SLC6A20: variants seen among roughly 807,000 people sequenced by gnomAD.
SLC6A20 encodes the protein solute carrier family 6 member 20.
In SLC6A20, 73 loss-of-function variants were observed where a neutral mutation model predicts 64.3. The observed-to-expected ratio is 1.14, with a 90% CI of 0.94 to 1.38. The LOEUF (loss-of-function observed/expected upper bound fraction) is 1.38, where lower values mean the gene tolerates loss of function less well. Ranked by LOEUF, SLC6A20 falls within the 40% of genes most tolerant of loss-of-function variation. The pLI, the probability that SLC6A20 is intolerant of heterozygous loss-of-function variation, is 0.00. For synonymous variants in SLC6A20, 347 were observed against 329.6 expected (o/e 1.05, Z -0.57); for missense variants, 725 against 772.8 (o/e 0.94, Z 0.73).
chr3:45,770,500 G>A, intron 6 of SLC6A20, 129 bp from the exon 7 acceptor site: 2 of 1,176,732 alleles, frequency 1.7e-6, no homozygotes, highest in Non-Finnish European at 2.3e-6. Context: ...CTTTTAAAGG[G>A]CAGGGTAATT....
chr3:45,781,960 A>G, intron 2 of SLC6A20, 123 bp downstream of exon 2: 1 of 1,314,742 alleles, frequency 7.6e-7, no homozygotes, highest in South Asian at 1.9e-5. Context: ...CACCCCAGGC[A>G]AGAGCTCTCT....
chr3:45,765,681 C>A lies in SLC6A20; in HGVS notation c.1159G>T (p.Val387Leu). ...TAGAGCACCGACCACAGCTGGGACA[C>A]CTCCATGTTTTTAATGGCCTCTGTG... ...VYTEAIKNME[V>L]SQLWSVLYFF... Residue 387 changes from valine (V) to leucine (L), a missense_variant, in exon 8 of 11, where the codon GTG (valine) becomes TTG (leucine). Transcript: ENST00000358525. This position sits in a 1 kb window ranked among gnomAD's most constrained non-coding sequence, Gnocchi z 4.2. 6.2e-7 allele frequency: 1 copy of A among 1,614,228 alleles called. No individual in the cohort carries two copies. Among genetic ancestry groups the A allele is most frequent in the South Asian group, 1.1e-5 (1 of 91,086 alleles).
Position 45,792,350 on chromosome 3 carries a change from A to G in SLC6A20, c.121+3949T>C, listed in dbSNP as rs9836780. 4.3e-3 allele frequency among the ~76,000 whole-genome samples: 653 copies of G among 152,298 alleles called. 11 individuals carry two copies. The highest frequency in any genetic ancestry group is 0.015 in the African/African-American group (622 of 41,566). ...CTTGAGCCCCAGCTATTTCTCCAGA[A>G]GTCTTGTTCTCTCTGACTTGTTTCC... is the stretch of plus-strand genomic sequence containing the variant. On this transcript the variant is annotated intron_variant, in intron 1 of 10. Transcript: ENST00000358525.
chr3:45,761,337 A>C (rs1699678625), intron 9 of SLC6A20, among the ~76,000 whole-genome samples: 2 of 149,832 alleles, frequency 1.3e-5, no homozygotes, highest in Admixed American at 6.7e-5. Flanking sequence ...AAGCCGAAGC[A>C]CTCCCCTCCT....
In SLC6A20 at chr3:45,765,564, TG is replaced by T. The variant is rs749631016; in HGVS notation, c.1275del (p.Ser426AlafsTer61). On this transcript the variant is annotated frameshift_variant, in exon 8 of 11. Transcript: ENST00000358525. LOFTEE classifies it high-confidence loss of function. The surrounding 1 kb of genome is among the most constrained non-coding windows in gnomAD (Gnocchi z 4.2). ...GAGATGGCCTCCTTGGGCAGGTGGCTGGAGATGATCTTGCTGTCTGTCAGAG... is the reference window on the plus strand; with the variant it reads ...GAGATGGCCTCCTTGGGCAGGTGGCTGAGATGATCTTGCTGTCTGTCAGAG... ...LTPLTDSKII[S>X]SHLPKEAISG... 1 of 1,613,916 alleles carries T rather than the reference TG, an allele frequency of 6.2e-7. No homozygotes were observed. Among genetic ancestry groups the T allele is most frequent in the Non-Finnish European group, 8.5e-7 (1 of 1,179,930 alleles).
At chr3:45,763,348 T>C (rs574578100) in intron 8 of SLC6A20, among the ~76,000 whole-genome samples, 1 of 152,130 alleles carries the variant, frequency 6.6e-6, no homozygotes, top group Non-Finnish European at 1.5e-5. Flanking sequence ...TAAAGCTCAA[T>C]GAACAAGCAG....
Position 45,763,242 on chromosome 3 carries a change from C to T in SLC6A20, c.1304-170G>A, listed in dbSNP as rs6770261. On this transcript the variant is annotated intron_variant, in intron 8 of 10. Transcript: ENST00000358525. ...TTGGACTCTCTGAAGGTGTGTGCCA[C>T]GTGTGTGGGGCAGGGGGCACAATGG... 0.3 allele frequency among the ~76,000 whole-genome samples: 45,552 copies of T among 152,034 alleles called. 7,476 individuals carry two copies. Among genetic ancestry groups the T allele is most frequent in the African/African-American group, 0.44 (18,278 of 41,446 alleles).
intron 3 of SLC6A20, among the ~76,000 whole-genome samples, chr3:45,778,210 G>A (rs960753047): frequency 2.0e-5 from 3 of 152,184 alleles, no homozygotes; most frequent in Admixed American, 6.5e-5. Flanking sequence ...CACAGACTCC[G>A]GGGCCAGGTC....
At chr3:45,764,641 G>A (rs902712038) in intron 8 of SLC6A20, among the ~76,000 whole-genome samples, 22 of 151,098 alleles carry the variant, frequency 1.5e-4, no homozygotes, top group African/African-American at 5.4e-4. Context: ...GGTGGAGGTT[G>A]CAGTGAGCCA....
chr3:45,796,444 T>A lies in SLC6A20; in HGVS notation c.-25A>T. The A allele has an allele frequency of 1.2e-6, 2 of 1,602,374 alleles. No homozygotes were observed. The highest frequency in any genetic ancestry group is 1.7e-6 in the Non-Finnish European group (2 of 1,174,934). On this transcript the variant is annotated 5_prime_UTR_variant, in exon 1 of 11. Coordinates refer to ENST00000358525, the MANE Select transcript of SLC6A20 (RefSeq NM_020208.4). ...TGGCCCCGGCCTCGGCGCGCTCGGCTCCGGCTCGGGGGTCCGGCACGGCAG... is the reference window on the plus strand; with the variant it reads ...TGGCCCCGGCCTCGGCGCGCTCGGCACCGGCTCGGGGGTCCGGCACGGCAG...
chr3:45,776,587 G>C (rs143285180), intron 3 of SLC6A20, among the ~76,000 whole-genome samples: 1 of 152,084 alleles, frequency 6.6e-6, no homozygotes, highest in South Asian at 2.1e-4. Flanking sequence ...AGGTTCTCTC[G>C]GGCTCAGACA....
chr3:45,774,369 A>G (rs1172416247), intron 4 of SLC6A20, among the ~76,000 whole-genome samples: 1 of 152,260 alleles, frequency 6.6e-6, no homozygotes, highest in Admixed American at 6.5e-5. Context: ...CTCTTGGATC[A>G]TGATCATAAT....
At chr3:45,759,185 TCAGGGCCCATCCGTGATGGG>T in intron 10 of SLC6A20, 58 bp from the exon 11 acceptor site, 4 of 1,518,412 alleles carry the variant, frequency 2.6e-6, no homozygotes. Flanking sequence ...CCCCTGGGCC[TCAGGGCCCATCCGTGATGGG>T]GAGGTGATGT....
intron 4 of SLC6A20, among the ~76,000 whole-genome samples, chr3:45,773,937 A>G (rs1699921021): frequency 6.6e-6 from 1 of 152,260 alleles, no homozygotes; most frequent in Admixed American, 6.5e-5. Context: ...CATCCATCAC[A>G]ATGGGCACTA....
In SLC6A20 at chr3:45,796,503, C is replaced by T. The variant is rs886058548; in HGVS notation, c.-84G>A. 6.3e-6 allele frequency: 9 copies of T among 1,428,244 alleles called. No homozygotes were observed. The highest frequency in any genetic ancestry group is 1.8e-4 in the Middle Eastern group (1 of 5,544). 88.5% of individuals were successfully genotyped at this position (1,428,244 alleles called of 1,614,324 possible). Reference sequence around the variant, plus strand: ...CGCGGTCGCCAGGCGCGCCGTCCCACCCCGGCTCGGCTTGGGGGTGGCCCC... The same window carrying T: ...CGCGGTCGCCAGGCGCGCCGTCCCATCCCGGCTCGGCTTGGGGGTGGCCCC... On this transcript the variant is annotated 5_prime_UTR_variant, in exon 1 of 11. In the 5' UTR this introduces an upstream ATG that the reference lacks. Transcript: ENST00000358525.
At chr3:45,770,116 C>CA in intron 7 of SLC6A20, 93 bp downstream of exon 7, 9 of 1,516,326 alleles carry the variant, frequency 5.9e-6, no homozygotes, top group Non-Finnish European at 8.1e-6. Context: ...TTTATTTTTA[C>CA]AGACCTCGCC....
intron 3 of SLC6A20, among the ~76,000 whole-genome samples, chr3:45,777,656 G>A (rs780625829): frequency 3.9e-5 from 6 of 152,222 alleles, no homozygotes; most frequent in East Asian, 3.9e-4. Context: ...AGGGAGGCAC[G>A]TGGAGGGAAC....
chr3:45,792,680 C>T (rs953997561), intron 1 of SLC6A20, among the ~76,000 whole-genome samples: 2 of 152,182 alleles, frequency 1.3e-5, no homozygotes, highest in Non-Finnish European at 2.9e-5. Flanking sequence ...GAGCTGTGGC[C>T]ACCGCAGCTC....
intron 4 of SLC6A20, 84 bp from the exon 5 acceptor site, chr3:45,772,699 G>T: frequency 9.2e-7 from 1 of 1,089,988 alleles, no homozygotes; most frequent in Non-Finnish European, 1.3e-6. Flanking sequence ...CACCACATCT[G>T]GGGTATTCAG....
Sources: gnomAD v4.1 joint callset for allele counts (sites outside exome capture counted in the v4.1 genomes callset) on GRCh38, gnomAD v4.1.1 for gene constraint, Gnocchi (gnomAD v3.1) non-coding constraint, MANE v1.5 for transcripts, NCBI Gene and HGNC (gene_info 2026-07-23, HGNC 2026-07-21) for gene names.